The following CAVIN1 variants were observed in gnomAD, a reference collection of about 807,000 sequenced individuals.
CAVIN1 encodes the protein caveolae associated protein 1.
A neutral mutation model predicts 24.0 loss-of-function variants in CAVIN1; 16 were observed. The ratio of observed to expected loss-of-function variants is 0.67; its 90% confidence interval spans 0.45 to 1.01. CAVIN1 has a LOEUF of 1.01. Among genes scored for constraint, CAVIN1 ranks in the 50% least tolerant of loss-of-function variants. The pLI is 0.00. For synonymous variants in CAVIN1, 256 were observed against 256.4 expected (o/e 1.00, Z 0.02); for missense variants, 510 against 551.7 (o/e 0.92, Z 0.76).
chr17:42,422,601 G>T, intron 1 of CAVIN1, 26 bp downstream of exon 1: 2 of 1,533,120 alleles, frequency 1.3e-6, no homozygotes, highest in Non-Finnish European at 8.8e-7. Context: ...CGGGAGCTCT[G>T]GGCGCCTTCC....
Position 42,405,608 on chromosome 17 carries a change from C to A in CAVIN1, c.472-220G>T, listed in dbSNP as rs1598570862. 2.0e-5 allele frequency among the ~76,000 whole-genome samples: 3 copies of A among 151,724 alleles called. No homozygotes were observed. The South Asian group carries it at 6.2e-4, about 32-fold the overall frequency. On this transcript the variant is annotated intron_variant, in intron 1 of 1. Transcript: ENST00000357037. ...ATGGCTTGAGTCCAGGAGTTCGAGA[C>A]CAGCCTGGGCAACATATCACCCATC...
At chr17:42,419,305 G>GTTATTATTATTATTATTATTA (rs143185919) in intron 1 of CAVIN1, among the ~76,000 whole-genome samples, 1 of 150,096 alleles carries the variant, frequency 6.7e-6, no homozygotes, top group African/African-American at 2.5e-5. Flanking sequence ...ATTTATTGTT[G>GTTATTATTATTATTATTATTA]TTATTATTAT....
At position 42,408,823 on chromosome 17, in the gene CAVIN1, C is replaced by G. The variant is rs534541696; in HGVS notation, c.472-3435G>C. On this transcript the variant is annotated intron_variant, in intron 1 of 1. Coordinates refer to ENST00000357037, the MANE Select transcript of CAVIN1 (RefSeq NM_012232.6). ...TTTTTTTTTTTGAGACATGGTCTCA[C>G]TCTGTCACCTAGGTTGGAGTGCAGT... 3.8e-5 allele frequency among the ~76,000 whole-genome samples: 5 copies of G among 131,454 alleles called. No individual in the cohort carries two copies. The East Asian group carries it at 1.2e-3, about 33-fold the overall frequency. 86.2% of individuals were successfully genotyped at this position (131,454 alleles called of 152,430 possible). A position where few individuals can be genotyped will look rare whatever the true frequency, so the allele number is the denominator to read the frequency against.
At chr17:42,407,492 A>C (rs962491561) in intron 1 of CAVIN1, among the ~76,000 whole-genome samples, 2 of 151,542 alleles carry the variant, frequency 1.3e-5, no homozygotes, top group African/African-American at 4.9e-5. Context: ...TCCCATCAAC[A>C]TCCCCCCAGA....
rs2085433346 is a variant in CAVIN1 at position 42,404,932 on chromosome 17, G to A, written c.928C>T (p.Arg310Cys). 1.2e-6 allele frequency: 2 copies of A among 1,613,968 alleles called. No individual in the cohort carries two copies. The highest frequency in any genetic ancestry group is 1.7e-6 in the Non-Finnish European group (2 of 1,179,978). ...ACCTTGTAGACCGCGGTCTTGGAGCGCGCGTACACCACGTGGTCGGGCGTG... is the reference window on the plus strand; with the variant it reads ...ACCTTGTAGACCGCGGTCTTGGAGCACGCGTACACCACGTGGTCGGGCGTG... ...SFTPDHVVYA[R>C]SKTAVYKVPP... The change falls in exon 2 of 2, where the codon CGC (arginine) becomes TGC (cysteine). Residue 310 changes from arginine (R) to cysteine (C), a missense_variant. Arg to Cys is a radical substitution (Grantham distance 180, BLOSUM62 -3). Transcript: ENST00000357037.
chr17:42,411,893 A>G (rs923846360), intron 1 of CAVIN1: 42 of 985,300 alleles, frequency 4.3e-5, no homozygotes, highest in Non-Finnish European at 4.8e-5. Context: ...TGAACTTTGC[A>G]TAACGCCAGT....
intron 1 of CAVIN1, among the ~76,000 whole-genome samples, chr17:42,416,792 C>A (rs1382175745): frequency 6.6e-6 from 1 of 151,960 alleles, no homozygotes; most frequent in Non-Finnish European, 1.5e-5. Flanking sequence ...ATGAAAGGGA[C>A]CAAAGCCCTG....
chr17:42,420,398 A>G (rs1014545807), intron 1 of CAVIN1, among the ~76,000 whole-genome samples: 5 of 152,206 alleles, frequency 3.3e-5, no homozygotes, highest in Non-Finnish European at 7.3e-5. Context: ...CACCTGGAAC[A>G]TCTGCTCTGC....
intron 1 of CAVIN1, among the ~76,000 whole-genome samples, chr17:42,405,821 G>C (rs2085443371): frequency 1.3e-5 from 2 of 151,700 alleles, no homozygotes; most frequent in Admixed American, 1.3e-4. Flanking sequence ...CCGAATAGCT[G>C]GGATTACAGG....
intron 1 of CAVIN1, among the ~76,000 whole-genome samples, chr17:42,416,374 AAG>A (rs894094961): frequency 2.7e-3 from 113 of 41,916 alleles, no homozygotes; most frequent in African/African-American, 4.1e-3. Context: ...TCAAAGAAAG[AAG>A]AGAGAGAGAG....
At position 42,404,694 on chromosome 17, in the gene CAVIN1, C is replaced by A; in HGVS notation, c.1166G>T (p.Ser389Ile). The A allele has an allele frequency of 6.8e-7, 1 of 1,468,094 alleles. No individual in the cohort carries two copies. The allele number at this position is 1,468,094 out of a possible 1,614,324, so 90.9% of individuals were successfully genotyped here. Residue 389 changes from serine (S) to isoleucine (I), a missense_variant, in exon 2 of 2, where the codon AGC becomes ATC. Coordinates refer to ENST00000357037, the MANE Select transcript of CAVIN1 (RefSeq NM_012232.6). ...SDAVLVDKSD[S>I]D is the part of the protein sequence containing the mutation. The stretch of plus-strand genomic sequence containing the variant: ...GGTGGCAGCGGGGGCGGCTCAGTCG[C>A]TGTCGCTCTTGTCCACCAGCACGGC...
chr17:42,409,503 C>T (rs774746209), intron 1 of CAVIN1, among the ~76,000 whole-genome samples: 22 of 152,152 alleles, frequency 1.4e-4, no homozygotes, highest in Non-Finnish European at 2.6e-4. Context: ...TGACGGCTTA[C>T]ACCATAGGAG....
rs749014270 is a variant in CAVIN1 at position 42,405,422 on chromosome 17, C to T, written c.472-34G>A. ...AGAGGAGAAGGGACATGAGAGGCGT[C>T]GGAGGAGGCGGATGTGGGCGAGCCT... On this transcript the variant is annotated intron_variant, in intron 1 of 1. Coordinates refer to ENST00000357037, the MANE Select transcript of CAVIN1 (RefSeq NM_012232.6). 6 of 1,596,274 alleles carry T rather than the reference C, an allele frequency of 3.8e-6. No homozygotes were observed. The South Asian group carries it at 4.4e-5, about 12-fold the overall frequency.
At chr17:42,413,242 C>T (rs2085490879) in intron 1 of CAVIN1, among the ~76,000 whole-genome samples, 1 of 151,726 alleles carries the variant, frequency 6.6e-6, no homozygotes, top group African/African-American at 2.4e-5. Context: ...GGCCTAGAAA[C>T]TCATTTTAAA....
chr17:42,418,392 T>C (rs1259994372), intron 1 of CAVIN1, among the ~76,000 whole-genome samples: 1 of 152,086 alleles, frequency 6.6e-6, no homozygotes, highest in Non-Finnish European at 1.5e-5. Flanking sequence ...CAACCACGCC[T>C]GGCTAATTTT....
At chr17:42,416,715 A>C (rs926397714) in intron 1 of CAVIN1, among the ~76,000 whole-genome samples, 3 of 152,072 alleles carry the variant, frequency 2.0e-5, no homozygotes, top group African/African-American at 4.8e-5. Flanking sequence ...CAGGAAAAAC[A>C]ACCCAAACTC....
chr17:42,412,655 T>C (rs2085486725), intron 1 of CAVIN1, among the ~76,000 whole-genome samples: 1 of 151,676 alleles, frequency 6.6e-6, no homozygotes, highest in Non-Finnish European at 1.5e-5. Context: ...TCTCACTCTG[T>C]TGCCCAGGCT....
chr17:42,422,574 G>A (rs967346343), intron 1 of CAVIN1, 53 bp downstream of exon 1: 2 of 1,441,300 alleles, frequency 1.4e-6, no homozygotes, highest in Admixed American at 4.1e-5. Flanking sequence ...TCCCAGGCAG[G>A]GGACGCGGGC....
Position 42,404,996 on chromosome 17 carries a change from C to T in CAVIN1, c.864G>A (p.Glu288=). ...GTRLVPAERR[E]KLKTSRDKLR... ...ACTTGTCCCGCGACGTCTTCAGTTTCTCGCGCCGCTCGGCGGGCACCAGGC... is the reference window on the plus strand; with the variant it reads ...ACTTGTCCCGCGACGTCTTCAGTTTTTCGCGCCGCTCGGCGGGCACCAGGC... Residue 288 remains glutamate (E), a synonymous_variant, in exon 2 of 2, where the codon GAG becomes GAA. Transcript: ENST00000357037. The T allele has an allele frequency of 6.2e-7, 1 of 1,614,174 alleles. No individual in the cohort carries two copies. Among genetic ancestry groups the T allele is most frequent in the Non-Finnish European group, 8.5e-7 (1 of 1,180,018 alleles).
Sources: gnomAD v4.1 joint callset for allele counts (sites outside exome capture counted in the v4.1 genomes callset) on GRCh38, gnomAD v4.1.1 for gene constraint, MANE v1.5 for transcripts, NCBI Gene and HGNC (gene_info 2026-07-23, HGNC 2026-07-21) for gene names.